SMG6: variants seen among roughly 807,000 people sequenced by gnomAD.
SMG6 encodes the protein telomerase-binding protein EST1A.
Under a neutral mutation model 142.2 loss-of-function variants are expected in SMG6, and 66 were observed. The ratio of observed to expected loss-of-function variants is 0.46; its 90% CI spans 0.38 to 0.57. The LOEUF (loss-of-function observed/expected upper bound fraction) is 0.57, where lower values mean the gene tolerates loss of function less well. Ranked by LOEUF, SMG6 falls within the 20% of genes least tolerant of loss-of-function variation. The pLI, the probability that SMG6 is intolerant of heterozygous loss-of-function variation, is 0.00. For missense variants in SMG6, 1,793 were observed against 1,832.0 expected (o/e 0.98, Z 0.39); for synonymous variants, 779 against 702.4 (o/e 1.11, Z -1.72).
chr17:2,183,084 G>A (rs768972021), intron 12 of SMG6, among the ~76,000 whole-genome samples: 17 of 152,056 alleles, frequency 1.1e-4, no homozygotes, highest in African/African-American at 1.9e-4. Context: ...AAAGTTAGCC[G>A]GGTTGGTGGT....
chr17:2,244,352 C>T (rs2073881686), intron 9 of SMG6, among the ~76,000 whole-genome samples: 1 of 152,088 alleles, frequency 6.6e-6, no homozygotes, highest in Non-Finnish European at 1.5e-5. Flanking sequence ...TCACTAGGGA[C>T]CTAAGCCGGA....
chr17:2,158,398 G>A (rs969821458), intron 13 of SMG6, among the ~76,000 whole-genome samples: 1 of 152,012 alleles, frequency 6.6e-6, no homozygotes, highest in Non-Finnish European at 1.5e-5. Flanking sequence ...TACAAATGAG[G>A]TTTTATATTA....
intron 13 of SMG6, among the ~76,000 whole-genome samples, chr17:2,163,444 T>A (rs1229610542): frequency 6.6e-6 from 1 of 152,176 alleles, no homozygotes; most frequent in East Asian, 1.9e-4. Flanking sequence ...CCTCCCAAAG[T>A]GCTGTGATTA....
rs1597334233 is a variant in SMG6 at position 2,071,749 on chromosome 17, T to C, written c.3682-2818A>G. Among the ~76,000 whole-genome samples, 1 of 138,826 alleles carries C rather than the reference T, an allele frequency of 7.2e-6. No individual in the cohort carries two copies. Among genetic ancestry groups the C allele is most frequent in the Admixed American group, 7.3e-5 (1 of 13,734 alleles). The allele number at this position is 138,826 out of a possible 152,430, so 91.1% of individuals were successfully genotyped here. ...CCGGTGGGCCTCTGGGCGGGGGGGG[T>C]CACACCTGGGTCACAAGACTGGCTC... is the stretch of plus-strand genomic sequence containing the variant. On this transcript the variant is annotated intron_variant, in intron 15 of 18. Coordinates refer to ENST00000263073, the MANE Select transcript of SMG6 (RefSeq NM_017575.5). The surrounding 1 kb of genome is among the most constrained non-coding windows in gnomAD (Gnocchi z 5.6).
At chr17:2,105,412 G>A (rs935570619) in intron 13 of SMG6, among the ~76,000 whole-genome samples, 1 of 152,096 alleles carries the variant, frequency 6.6e-6, no homozygotes, top group African/African-American at 2.4e-5. Context: ...CGGGCGTGGT[G>A]GCAGGTGCCT....
At position 2,188,488 on chromosome 17, in the gene SMG6, A is replaced by G; in HGVS notation, c.2897T>C (p.Val966Ala). The change falls in exon 11 of 19, where the codon GTG becomes GCG. Residue 966 changes from valine (V) to alanine (A), a missense_variant. Transcript: ENST00000263073. ...CAGAGCTGCGGCTTGTTCCTGGATCACAGAGCGGCACTCCTCCGAGAAGCA... is the reference window on the plus strand; with the variant it reads ...CAGAGCTGCGGCTTGTTCCTGGATCGCAGAGCGGCACTCCTCCGAGAAGCA... ...KDCFSEECRSVIQEQAAALGL... is the reference protein window; with the variant it reads ...KDCFSEECRSAIQEQAAALGL... 2 of 1,614,134 alleles carry G rather than the reference A, an allele frequency of 1.2e-6. No homozygotes were observed. The highest frequency in any genetic ancestry group is 1.7e-6 in the Non-Finnish European group (2 of 1,180,002).
chr17:2,109,115 CAGGAAGATGT>C (rs1002811247), intron 13 of SMG6, among the ~76,000 whole-genome samples: 42 of 152,280 alleles, frequency 2.8e-4, no homozygotes, highest in African/African-American at 9.1e-4. Flanking sequence ...CTATCTAGAA[CAGGAAGATGT>C]ATTTTTCTGC....
At chr17:2,288,861 C>T (rs1042535811) in intron 6 of SMG6, among the ~76,000 whole-genome samples, 9 of 151,876 alleles carry the variant, frequency 5.9e-5, no homozygotes, top group Admixed American at 2.6e-4. Context: ...GGGCGGATCA[C>T]GAGGTCAGGA....
chr17:2,148,735 T>C (rs2070741201), intron 13 of SMG6, among the ~76,000 whole-genome samples: 2 of 152,142 alleles, frequency 1.3e-5, no homozygotes, highest in Non-Finnish European at 2.9e-5. Flanking sequence ...GGCAGGCACC[T>C]GTAATCCCAA....
Position 2,085,144 on chromosome 17 carries a change from ACG to A in SMG6, c.3534+579_3534+580del, listed in dbSNP as rs941695555. Among the ~76,000 whole-genome samples, 2 of 152,016 alleles carry A rather than the reference ACG, an allele frequency of 1.3e-5. No homozygotes were observed. Among genetic ancestry groups the A allele is most frequent in the Non-Finnish European group, 2.9e-5 (2 of 67,988 alleles). Reference sequence around the variant, plus strand: ...TGCGCGTGCGCACACACACACACAGACGCGCACACACACACACAGACACACAC... The same window carrying A: ...TGCGCGTGCGCACACACACACACAGACGCACACACACACACAGACACACAC... On this transcript the variant is annotated intron_variant, in intron 14 of 18. Transcript: ENST00000263073. The surrounding 1 kb of genome is among the most constrained non-coding windows in gnomAD (Gnocchi z 4.1).
chr17:2,155,054 A>ATT (rs1415828606), intron 13 of SMG6, among the ~76,000 whole-genome samples: 84 of 122,832 alleles, frequency 6.8e-4, no homozygotes, highest in African/African-American at 2.4e-3. Context: ...TGAGAAAAAA[A>ATT]ATTTTTTTTT....
intron 1 of SMG6, chr17:2,303,175 A>G (rs954596988): frequency 2.0e-6 from 2 of 985,360 alleles, no homozygotes; most frequent in African/African-American, 3.5e-5. Flanking sequence ...GGAAAAGTTC[A>G]GCAACGAAGT....
Position 2,264,858 on chromosome 17 carries a change from C to T in SMG6, c.2661+17789G>A, listed in dbSNP as rs139360026. Among the ~76,000 whole-genome samples the T allele has an allele frequency of 4.9e-3, 746 of 151,176 alleles. 5 individuals are homozygous for T. The highest frequency in any genetic ancestry group is 8.7e-3 in the Non-Finnish European group (589 of 67,842). ...CGAAGGTTGCAGTGAGCTGAGATCG[C>T]GCCACTGCATTCCAGCCTGGGTGAC... On this transcript the variant is annotated intron_variant, in intron 8 of 18. Coordinates refer to ENST00000263073, the MANE Select transcript of SMG6 (RefSeq NM_017575.5).
chr17:2,240,833 G>A (rs980683860), intron 9 of SMG6, among the ~76,000 whole-genome samples: 9 of 152,218 alleles, frequency 5.9e-5, no homozygotes, highest in Non-Finnish European at 1.0e-4. Flanking sequence ...GGAGAGTGAT[G>A]TGCCTTCAGC....
chr17:2,103,556 T>C (rs1033357301), intron 13 of SMG6, among the ~76,000 whole-genome samples: 1 of 152,210 alleles, frequency 6.6e-6, no homozygotes, highest in African/African-American at 2.4e-5. Flanking sequence ...TCTGTGAAGC[T>C]TGGAAAGACT....
intron 1 of SMG6, among the ~76,000 whole-genome samples, chr17:2,301,119 A>G (rs879660177): frequency 1.3e-5 from 2 of 152,222 alleles, no homozygotes; most frequent in Non-Finnish European, 2.9e-5. Flanking sequence ...TTCTTTTAAC[A>G]TAACAGCAGG....
At chr17:2,180,962 T>A (rs2071787493) in intron 12 of SMG6, among the ~76,000 whole-genome samples, 1 of 152,182 alleles carries the variant, frequency 6.6e-6, no homozygotes, top group East Asian at 1.9e-4. Context: ...GCCATTTCAT[T>A]CCTGCTCCCT....
At chr17:2,105,869 G>A (rs2069142866) in intron 13 of SMG6, among the ~76,000 whole-genome samples, 1 of 152,196 alleles carries the variant, frequency 6.6e-6, no homozygotes, top group Non-Finnish European at 1.5e-5. Flanking sequence ...CTATATGTGG[G>A]TAACCTCTGA....
intron 13 of SMG6, among the ~76,000 whole-genome samples, chr17:2,115,173 T>C (rs151008998): frequency 6.6e-6 from 1 of 152,046 alleles, no homozygotes; most frequent in Non-Finnish European, 1.5e-5. Flanking sequence ...AGAATAACAT[T>C]AGGTTGAGAA....
Sources: allele counts gnomAD v4.1 joint callset (sites outside exome capture counted in the v4.1 genomes callset), GRCh38; gene constraint gnomAD v4.1.1; non-coding constraint Gnocchi (gnomAD v3.1); transcripts MANE v1.5; gene names NCBI Gene and HGNC (gene_info 2026-07-23, HGNC 2026-07-21).